The following DECR1 variants were observed in gnomAD, a reference collection of about 807,000 sequenced individuals.
DECR1 encodes 2,4-dienoyl-CoA reductase 1, also known as 2,4-dienoyl-CoA reductase [(3E)-enoyl-CoA-producing], mitochondrial.
In DECR1, 44 loss-of-function variants were observed where a neutral mutation model predicts 38.8. That is an observed-to-expected ratio of 1.13 (90% CI 0.89 to 1.46). The LOEUF (loss-of-function observed/expected upper bound fraction) is 1.46. DECR1 is among the 40% of genes most tolerant of loss of function. The pLI, the probability that DECR1 is intolerant of heterozygous loss-of-function variation, is 0.00. For synonymous variants in DECR1, 148 were observed against 135.2 expected, an observed-to-expected ratio of 1.09 and a Z score of -0.66; for missense variants, 428 against 405.5, an observed-to-expected ratio of 1.06 and a Z score of -0.48.
At chr8:90,018,266 T>C (rs1326790360) in intron 2 of DECR1, among the ~76,000 whole-genome samples, 1 of 152,228 alleles carries the variant, frequency 6.6e-6, no homozygotes, top group Non-Finnish European at 1.5e-5. Context: ...GGTAAGACCA[T>C]GTGGAAGGAA....
intron 7 of DECR1, among the ~76,000 whole-genome samples, chr8:90,043,408 A>G (rs567788112): frequency 3.9e-5 from 6 of 152,212 alleles, no homozygotes; most frequent in Admixed American, 2.6e-4. Flanking sequence ...AATTATCTCT[A>G]ATGTTGTTAC....
At chr8:90,019,281 C>T (rs900571212) in intron 4 of DECR1, 109 bp downstream of exon 4, 7 of 888,916 alleles carry the variant, frequency 7.9e-6, no homozygotes, top group Non-Finnish European at 1.1e-5. Flanking sequence ...ACAGGCAAGC[C>T]CGAATCTGGG....
At chr8:90,020,868 C>A in intron 4 of DECR1, 41 bp from the exon 5 acceptor site, 1 of 1,463,394 alleles carries the variant, frequency 6.8e-7, no homozygotes, top group South Asian at 1.5e-5. Context: ...AATGTTTTTC[C>A]TCATCTAAAG....
intron 5 of DECR1, among the ~76,000 whole-genome samples, chr8:90,029,756 C>A (rs1813449023): frequency 6.6e-6 from 1 of 152,130 alleles, no homozygotes; most frequent in South Asian, 2.1e-4. Flanking sequence ...AACCCATAGA[C>A]ATTGTACTTG....
chr8:90,005,395 G>A (rs1430291739), intron 1 of DECR1: 2 of 456,138 alleles, frequency 4.4e-6, no homozygotes, highest in African/African-American at 4.0e-5. Flanking sequence ...TGTTAGGTTG[G>A]GTGTTCTTGC....
intron 1 of DECR1, chr8:90,015,489 CT>C (rs1432028774): frequency 2.9e-5 from 10 of 344,474 alleles, no homozygotes; most frequent in South Asian, 4.6e-5. Flanking sequence ...ATATTTGTTT[CT>C]TTTTTTTCAT....
chr8:90,018,972 T>A lies in DECR1; in HGVS notation c.330+6T>A. The A allele has an allele frequency of 6.3e-7, 1 of 1,592,204 alleles. No homozygotes were observed. Among genetic ancestry groups the A allele is most frequent in the African/African-American group, 1.3e-5 (1 of 74,366 alleles). On this transcript the variant is annotated splice_donor_region_variant and intron_variant, in intron 3 of 9. Coordinates refer to ENST00000220764, the MANE Select transcript of DECR1 (RefSeq NM_001359.2). ...CTTCTCAAACTGGAAATAAGGTACA[T>A]TAAAAATCAGTTATTTAATTTAGAT...
chr8:90,015,046 A>G (rs1015553426), intron 1 of DECR1, among the ~76,000 whole-genome samples: 1 of 152,196 alleles, frequency 6.6e-6, no homozygotes, highest in East Asian at 1.9e-4. Flanking sequence ...TGTATCTTCA[A>G]TTATTTTATA....
At chr8:90,050,041 G>A (rs987881996) in intron 8 of DECR1, among the ~76,000 whole-genome samples, 5 of 152,184 alleles carry the variant, frequency 3.3e-5, no homozygotes, top group Non-Finnish European at 2.9e-5. Context: ...ATGGATTAAA[G>A]ACTTAAATGT....
chr8:90,024,844 T>C (rs1813287196), intron 5 of DECR1, among the ~76,000 whole-genome samples: 1 of 152,238 alleles, frequency 6.6e-6, no homozygotes. Context: ...AGGGTTTTTA[T>C]GGTTTTAGGT....
intron 1 of DECR1, among the ~76,000 whole-genome samples, chr8:90,007,324 C>T (rs1245740911): frequency 1.3e-5 from 2 of 152,034 alleles, no homozygotes; most frequent in South Asian, 4.1e-4. Context: ...CTTAGAAGAT[C>T]TTAAGAAGAG....
chr8:90,018,087 C>T (rs1813054881), intron 2 of DECR1, among the ~76,000 whole-genome samples: 1 of 152,212 alleles, frequency 6.6e-6, no homozygotes, highest in Non-Finnish European at 1.5e-5. Context: ...TGGGTTTTGC[C>T]ATATTGGCCA....
At chr8:90,014,349 T>A (rs1812955910) in intron 1 of DECR1, among the ~76,000 whole-genome samples, 1 of 152,196 alleles carries the variant, frequency 6.6e-6, no homozygotes, top group Non-Finnish European at 1.5e-5. Flanking sequence ...TCAATGGGTC[T>A]TAAGGTTGAA....
chr8:90,046,680 C>T lies in DECR1; in HGVS notation c.885+1685C>T, dbSNP rs867819018. On this transcript the variant is annotated intron_variant, in intron 8 of 9. Transcript: ENST00000220764. ...GGCCAACATTCAAATTCAGGAAATA[C>T]AGAGAAGGCTACAAAGATACTCCCT... Among the ~76,000 whole-genome samples, 4 of 152,118 alleles carry T rather than the reference C, an allele frequency of 2.6e-5. No homozygotes were observed. The South Asian group carries it at 6.2e-4, about 24-fold the overall frequency.
At position 90,036,833 on chromosome 8, in the gene DECR1, A is replaced by T; in HGVS notation, c.566-8A>T. 1 of 1,601,380 alleles carries T rather than the reference A, an allele frequency of 6.2e-7. No individual in the cohort carries two copies. The highest frequency in any genetic ancestry group is 2.2e-5 in the East Asian group (1 of 44,782). On this transcript the variant is annotated splice_region_variant and splice_polypyrimidine_tract_variant and intron_variant, in intron 5 of 9. Transcript: ENST00000220764. Reference sequence around the variant, plus strand: ...TTGCTAATCAACTGTATCCTTTTAAAATTTCAGGAGCAGCATTTCTTTCTA... The same window carrying T: ...TTGCTAATCAACTGTATCCTTTTAATATTTCAGGAGCAGCATTTCTTTCTA...
intron 8 of DECR1, among the ~76,000 whole-genome samples, chr8:90,047,663 T>G (rs570856410): frequency 1.3e-5 from 2 of 152,320 alleles, no homozygotes; most frequent in East Asian, 3.9e-4. Context: ...GGAATTGAAC[T>G]CAGCTCTGCA....
At chr8:90,014,781 A>AT (rs897488610) in intron 1 of DECR1, among the ~76,000 whole-genome samples, 27 of 152,240 alleles carry the variant, frequency 1.8e-4, no homozygotes, top group Non-Finnish European at 3.4e-4. Context: ...ATTAGAATAC[A>AT]TTTTTTTCAT....
chr8:90,039,162 A>G (rs558505767), intron 6 of DECR1, among the ~76,000 whole-genome samples: 1 of 152,282 alleles, frequency 6.6e-6, no homozygotes, highest in East Asian at 1.9e-4. Context: ...CCCAAATTCT[A>G]CATGTTGTTT....
chr8:90,004,384 A>G (rs1805854), intron 1 of DECR1, among the ~76,000 whole-genome samples: 11 of 152,126 alleles, frequency 7.2e-5, no homozygotes, highest in Non-Finnish European at 1.0e-4. Context: ...AACTATCAAG[A>G]GTAAAATCAC....
Sources: allele counts gnomAD v4.1 joint callset (sites outside exome capture counted in the v4.1 genomes callset), GRCh38; gene constraint gnomAD v4.1.1; transcripts MANE v1.5; gene names NCBI Gene and HGNC (gene_info 2026-07-23, HGNC 2026-07-21).